Variants in UPK3BL1 observed in about 807,000 individuals in gnomAD.
UPK3BL1 encodes uroplakin 3B like 1.
chr7:102,638,161 AC>A (rs1475523962), intron 5 of UPK3BL1, among the ~76,000 whole-genome samples: 181 of 101,028 alleles, frequency 1.8e-3, no homozygotes, highest in African/African-American at 5.4e-3. Flanking sequence ...AAATCCTGAC[AC>A]CCCCCCCTTT....
intron 1 of UPK3BL1, chr7:102,641,450 A>G (rs1162934362): frequency 1.9e-6 from 1 of 528,980 alleles, no homozygotes; most frequent in Non-Finnish European, 2.3e-6. Flanking sequence ...CTCCCACCTC[A>G]TCTCTCTGGG....
At chr7:102,639,997 GAA>G (rs1274591601) in intron 3 of UPK3BL1, among the ~76,000 whole-genome samples, 4 of 12,950 alleles carry the variant, frequency 3.1e-4, no homozygotes, top group East Asian at 2.8e-3. Flanking sequence ...AGAAGAAAAG[GAA>G]AAAAAAAAAA....
intron 5 of UPK3BL1, among the ~76,000 whole-genome samples, chr7:102,638,317 ACACCC>A (rs199891539): frequency 0.091 from 13,182 of 144,830 alleles, 45 homozygotes; most frequent in East Asian, 0.14. Flanking sequence ...ACGTGCCACC[ACACCC>A]GGCTAATTTT....
At chr7:102,638,193 A>C in intron 5 of UPK3BL1, among the ~76,000 whole-genome samples, 1 of 150,100 alleles carries the variant, frequency 6.7e-6, no homozygotes, top group African/African-American at 2.4e-5. Context: ...ATGGAGTCTC[A>C]CTCTGTCACC....
rs1406782737 is a variant in UPK3BL1 at position 102,639,967 on chromosome 7, A to AC, written c.485+236_485+237insG. Among the ~76,000 whole-genome samples the AC allele has an allele frequency of 7.8e-3, 104 of 13,282 alleles. 8 individuals are homozygous for AC. Among genetic ancestry groups the AC allele is most frequent in the African/African-American group, 0.02 (82 of 4,052 alleles). The allele number at this position is 13,282 out of a possible 152,430, so 8.7% of individuals were successfully genotyped here. A position where few individuals can be genotyped will look rare whatever the true frequency, so the allele number is the denominator to read the frequency against. ...ACTCCATCTCAAAAAACAAAACAAA[A>AC]AAAAAAAAAAAAAAGAAGAAGAAGA... On this transcript the variant is annotated intron_variant, in intron 3 of 5. Coordinates refer to ENST00000340457, the MANE Select transcript of UPK3BL1 (RefSeq NM_001114403.3).
At chr7:102,638,937 C>T in intron 4 of UPK3BL1, 103 bp from the exon 5 acceptor site, 2 of 1,491,442 alleles carry the variant, frequency 1.3e-6, no homozygotes, top group South Asian at 1.3e-5. Flanking sequence ...GCCCTGCCTC[C>T]CCTACTACCA....
intron 1 of UPK3BL1, among the ~76,000 whole-genome samples, chr7:102,642,245 T>TC (rs1229536509): frequency 4.5e-4 from 12 of 26,392 alleles, no homozygotes; most frequent in African/African-American, 1.7e-3. Flanking sequence ...TCTTTTCTTT[T>TC]TTGAGACAGG....
Position 102,639,119 on chromosome 7 carries a change from C to G in UPK3BL1, c.562+4G>C. ...ACTGTTTGACCGGAGCCTCTGGCCC[C>G]TACCTTGCTGCAGGCGAGTGTCGCT... On this transcript the variant is annotated splice_donor_region_variant and intron_variant, in intron 4 of 5. Transcript: ENST00000340457. 1 of 1,545,526 alleles carries G rather than the reference C, an allele frequency of 6.5e-7. No homozygotes were observed. The highest frequency in any genetic ancestry group is 8.8e-7 in the Non-Finnish European group (1 of 1,141,652).
At chr7:102,637,990 ACCCCTCCTG>A (rs1366085376) in intron 5 of UPK3BL1, among the ~76,000 whole-genome samples, 5 of 34,294 alleles carry the variant, frequency 1.5e-4, no homozygotes, top group Non-Finnish European at 3.1e-4. Flanking sequence ...GGCTGCATGC[ACCCCTCCTG>A]CCCCTCCTGC....
At position 102,637,308 on chromosome 7, in the gene UPK3BL1, A is replaced by C; in HGVS notation, c.*217T>G. ...GCTACTCAGGAGGCTGAAGCAGGAA[A>C]ATCGCTTGAACCCGTGAGGCAGAGG... is the stretch of plus-strand genomic sequence containing the variant. On this transcript the variant is annotated 3_prime_UTR_variant, in exon 6 of 6. Transcript: ENST00000340457. 2 of 423,686 alleles carry C rather than the reference A, an allele frequency of 4.7e-6. No individual in the cohort carries two copies. Among genetic ancestry groups the C allele is most frequent in the Non-Finnish European group, 8.9e-6 (2 of 225,378 alleles). 26.2% of individuals were successfully genotyped at this position (423,686 alleles called of 1,614,324 possible). A position where few individuals can be genotyped will look rare whatever the true frequency, so the allele number is the denominator to read the frequency against.
In UPK3BL1 at chr7:102,637,360, C is replaced by G; in HGVS notation, c.*165G>C. The G allele has an allele frequency of 2.4e-6, 1 of 417,770 alleles. No individual in the cohort carries two copies. Among genetic ancestry groups the G allele is most frequent in the Non-Finnish European group, 4.5e-6 (1 of 219,942 alleles). The allele number at this position is 417,770 out of a possible 1,614,324, so 25.9% of individuals were successfully genotyped here. On this transcript the variant is annotated 3_prime_UTR_variant, in exon 6 of 6. Transcript: ENST00000340457. ...TGCAGTGAGCCAAGATCGCGCCAGC[C>G]TGGCGACAGAGTGAGACTCCGTCTC...
At position 102,637,350 on chromosome 7, in the gene UPK3BL1, T is replaced by C. The variant is rs1584215677; in HGVS notation, c.*175A>G. ...AGGCAGAGGTTGCAGTGAGCCAAGATCGCGCCAGCCTGGCGACAGAGTGAG... is the reference window on the plus strand; with the variant it reads ...AGGCAGAGGTTGCAGTGAGCCAAGACCGCGCCAGCCTGGCGACAGAGTGAG... On this transcript the variant is annotated 3_prime_UTR_variant, in exon 6 of 6. Coordinates refer to ENST00000340457, the MANE Select transcript of UPK3BL1 (RefSeq NM_001114403.3). 2.7e-6 allele frequency: 1 copy of C among 365,642 alleles called. No individual in the cohort carries two copies. 22.6% of individuals were successfully genotyped at this position (365,642 alleles called of 1,614,324 possible).
At position 102,641,727 on chromosome 7, in the gene UPK3BL1, G is replaced by A; in HGVS notation, c.112+903C>T. ...GGTTCAGGCTAGAGTCTTCCTTGGG[G>A]AAGGATTGTCACGATTCCTTTCTTA... is the stretch of plus-strand genomic sequence containing the variant. On this transcript the variant is annotated intron_variant, in intron 1 of 5. Coordinates refer to ENST00000340457, the MANE Select transcript of UPK3BL1 (RefSeq NM_001114403.3). The A allele has an allele frequency of 2.2e-5, 14 of 635,396 alleles. 1 individual carries two copies. The highest frequency in any genetic ancestry group is 2.6e-5 in the Non-Finnish European group (14 of 540,764). 39.4% of individuals were successfully genotyped at this position (635,396 alleles called of 1,614,324 possible).
At chr7:102,638,560 A>ACTT (rs1791459846) in intron 5 of UPK3BL1, among the ~76,000 whole-genome samples, 154 bp downstream of exon 5, 2 of 137,382 alleles carry the variant, frequency 1.5e-5, no homozygotes, top group African/African-American at 5.3e-5. Context: ...GGCGGCACCC[A>ACTT]CTTGCAATCC....
intron 5 of UPK3BL1, among the ~76,000 whole-genome samples, chr7:102,638,169 C>CCT (rs1562811611): frequency 7.4e-6 from 1 of 135,836 alleles, no homozygotes; most frequent in African/African-American, 2.7e-5. Context: ...ACACCCCCCC[C>CCT]TTTTTTTTTT....
At chr7:102,639,963 C>CAAAAA (rs1554350613) in intron 3 of UPK3BL1, among the ~76,000 whole-genome samples, 23 of 12,056 alleles carry the variant, frequency 1.9e-3, no homozygotes, top group African/African-American at 3.5e-3. Context: ...AAAAACAAAA[C>CAAAAA]AAAAAAAAAA....
At chr7:102,641,893 G>A (rs375511800) in intron 1 of UPK3BL1, among the ~76,000 whole-genome samples, 4,083 of 55,204 alleles carry the variant, frequency 0.074, 6 homozygotes, top group Non-Finnish European at 0.13. Context: ...GGCATATCAC[G>A]AGGTCAGGAG....
chr7:102,641,854 T>C (rs1335758593), intron 1 of UPK3BL1, among the ~76,000 whole-genome samples: 3 of 75,868 alleles, frequency 4.0e-5, no homozygotes, highest in Non-Finnish European at 9.7e-5. Flanking sequence ...CTCACGTCTG[T>C]AATCCCAGCA....
intron 3 of UPK3BL1, among the ~76,000 whole-genome samples, chr7:102,639,997 G>GAA (rs1274591601): frequency 0.026 from 333 of 12,922 alleles, 5 homozygotes; most frequent in Non-Finnish European, 0.042. Context: ...AGAAGAAAAG[G>GAA]AAAAAAAAAA....
Sources: gnomAD v4.1 joint callset for allele counts (sites outside exome capture counted in the v4.1 genomes callset) on GRCh38, gnomAD v4.1.1 for gene constraint, MANE v1.5 for transcripts, NCBI Gene and HGNC (gene_info 2026-07-23, HGNC 2026-07-21) for gene names.